Variants in ASCC2 observed in about 807,000 individuals in gnomAD.
The protein encoded by ASCC2 is activating signal cointegrator 1 complex subunit 2.
In ASCC2, 42 loss-of-function variants were observed where a neutral mutation model predicts 93.5. The ratio of observed to expected loss-of-function variants is 0.45; its 90% confidence interval spans 0.35 to 0.58. The LOEUF (loss-of-function observed/expected upper bound fraction) is 0.58. Among genes scored for constraint, ASCC2 ranks in the 20% least tolerant of loss-of-function variants. The probability of loss-of-function intolerance (pLI) is 0.00; values close to 1 mark genes in which losing one functional copy is unlikely to be tolerated. For missense variants in ASCC2, 859 were observed against 977.6 expected (o/e 0.88, Z 1.62); for synonymous variants, 364 against 384.2 (o/e 0.95, Z 0.62).
intron 18 of ASCC2, 61 bp downstream of exon 18, chr22:29,792,372 C>T (rs1009884033): frequency 3.7e-6 from 6 of 1,600,598 alleles, no homozygotes; most frequent in Admixed American, 1.7e-5. Flanking sequence ...GTGAGGGGCC[C>T]TTCTGATTCA....
rs765787666 is a variant in ASCC2, at chr22:29,806,276, T to C, written c.1100A>G (p.Tyr367Cys). Residue 367 changes from tyrosine (Y) to cysteine (C), a missense_variant, in exon 12 of 20, where the codon TAT becomes TGT. Coordinates refer to ENST00000307790, the MANE Select transcript of ASCC2 (RefSeq NM_032204.5). ...TTCGGCCACGGGGAAGAGTGCATCA[T>C]AGTCCCGGAGGAACCTGCAGGCAGA... Reference protein sequence around the residue: ...LLQEKRFLRDYDALFPVAEDI... With the variant: ...LLQEKRFLRDCDALFPVAEDI... 4 of 1,614,090 alleles carry C rather than the reference T, an allele frequency of 2.5e-6. No individual in the cohort carries two copies. The highest frequency in any genetic ancestry group is 3.4e-6 in the Non-Finnish European group (4 of 1,180,008).
At chr22:29,794,792 G>A (rs1601815828) in intron 15 of ASCC2, among the ~76,000 whole-genome samples, 1 of 152,212 alleles carries the variant, frequency 6.6e-6, no homozygotes, top group East Asian at 1.9e-4. Flanking sequence ...AGGAAAACAA[G>A]CAAGCTACAG....
intron 7 of ASCC2, 150 bp from the exon 8 acceptor site, chr22:29,813,692 T>C: frequency 1.6e-6 from 1 of 625,030 alleles, no homozygotes; most frequent in Non-Finnish European, 2.9e-6. Context: ...AGGCAAAGTC[T>C]GGCTAGTCCA....
chr22:29,808,324 C>T (rs889985788), intron 8 of ASCC2, 139 bp from the exon 9 acceptor site: 2 of 849,582 alleles, frequency 2.4e-6, no homozygotes, highest in Non-Finnish European at 3.7e-6. Context: ...CTTGGTTCTT[C>T]CCTGAGCTCA....
intron 12 of ASCC2, among the ~76,000 whole-genome samples, chr22:29,805,408 CCAGCAA>C (rs1306371618): frequency 6.6e-6 from 1 of 152,176 alleles, no homozygotes; most frequent in East Asian, 1.9e-4. Flanking sequence ...TGCTTGGATG[CCAGCAA>C]CAGCCTCCTC....
intron 19 of ASCC2, among the ~76,000 whole-genome samples, chr22:29,789,776 C>T (rs970521569): frequency 6.6e-5 from 10 of 152,226 alleles, no homozygotes; most frequent in African/African-American, 2.4e-4. Flanking sequence ...GCCAGGCCTC[C>T]TGAACCCAGC....
chr22:29,789,334 A>C, intron 19 of ASCC2, 150 bp from the exon 20 acceptor site: 1 of 988,064 alleles, frequency 1.0e-6, no homozygotes, highest in Admixed American at 2.1e-5. Flanking sequence ...GGAGAGATGG[A>C]GCCCAGCAGG....
chr22:29,834,886 G>C (rs1327975326), intron 1 of ASCC2, among the ~76,000 whole-genome samples: 1 of 152,092 alleles, frequency 6.6e-6, no homozygotes, highest in Non-Finnish European at 1.5e-5. Context: ...ATGCTGGAAA[G>C]TGAGCTGGAA....
intron 17 of ASCC2, 105 bp from the exon 18 acceptor site, chr22:29,792,640 T>A: frequency 6.7e-7 from 1 of 1,481,690 alleles, no homozygotes; most frequent in South Asian, 1.2e-5. Context: ...CCAGGAGGGC[T>A]CAGGAGGTTG....
At chr22:29,828,171 A>G (rs560151743) in intron 2 of ASCC2, among the ~76,000 whole-genome samples, 1 of 152,340 alleles carries the variant, frequency 6.6e-6, no homozygotes, top group South Asian at 2.1e-4. Context: ...CAAGGCTCCA[A>G]GCATTCGAGG....
At chr22:29,832,973 G>A (rs1361023122) in intron 1 of ASCC2, among the ~76,000 whole-genome samples, 4 of 152,090 alleles carry the variant, frequency 2.6e-5, no homozygotes, top group Non-Finnish European at 5.9e-5. Context: ...CATCACTCGG[G>A]CTGGTCTCAA....
chr22:29,802,501 A>T (rs9608815), intron 13 of ASCC2, among the ~76,000 whole-genome samples: 44,772 of 151,960 alleles, frequency 0.29, 7,716 homozygotes, highest in East Asian at 0.47. Context: ...ACAAAAAAAA[A>T]AAATAAAAAA....
chr22:29,830,759 C>T (rs1008448002), intron 2 of ASCC2, among the ~76,000 whole-genome samples: 1 of 152,230 alleles, frequency 6.6e-6, no homozygotes, highest in African/African-American at 2.4e-5. Context: ...TTTATAGCTC[C>T]AGCACCTGGC....
intron 17 of ASCC2, among the ~76,000 whole-genome samples, chr22:29,792,781 G>A (rs995378805): frequency 6.6e-6 from 1 of 152,116 alleles, no homozygotes; most frequent in Admixed American, 6.5e-5. Flanking sequence ...CTCTTCAGTC[G>A]GGACAGCTCT....
chr22:29,823,201 G>A (rs1285771726), intron 4 of ASCC2, among the ~76,000 whole-genome samples: 2 of 151,722 alleles, frequency 1.3e-5, no homozygotes, highest in African/African-American at 2.4e-5. Context: ...ACCACACCCA[G>A]CTAATTTTTG....
chr22:29,822,616 C>T lies in ASCC2; in HGVS notation c.412-152G>A, dbSNP rs2061697900. The T allele has an allele frequency of 8.8e-6, 7 of 794,252 alleles. No homozygotes were observed. In the Admixed American group the frequency reaches 1.8e-4, roughly 21 times the overall value. The allele number at this position is 794,252 out of a possible 1,614,324, so 49.2% of individuals were successfully genotyped here. On this transcript the variant is annotated intron_variant, in intron 4 of 19. Transcript: ENST00000307790. ...GACCTGGAGCAATGGCCATTCTCCC[C>T]CCGCCCTTTTTTTTTTTTTTTAAAT...
Position 29,804,765 on chromosome 22 carries a change from C to T in ASCC2, c.1226G>A (p.Arg409Gln), listed in dbSNP as rs745842703. 54 of 1,613,954 alleles carry T rather than the reference C, an allele frequency of 3.3e-5. No homozygotes were observed. The highest frequency in any genetic ancestry group is 4.0e-5 in the Non-Finnish European group (47 of 1,180,006). Residue 409 changes from arginine (R) to glutamine (Q), a missense_variant, in exon 13 of 20, where the codon CGG becomes CAG. Coordinates refer to ENST00000307790, the MANE Select transcript of ASCC2 (RefSeq NM_032204.5). ...VESAWEGVDRRKATDAKDPSV... is the reference protein window; with the variant it reads ...VESAWEGVDRQKATDAKDPSV... ...TGGGTCTTTAGCATCTGTGGCTTTC[C>T]GTCTGTCCACCCCTTCCCATGCACT...
In ASCC2 at chr22:29,801,042, T is replaced by A. The variant is rs34833047; in HGVS notation, c.1637A>T (p.Asp546Val). The change falls in exon 15 of 20, where the codon GAT (aspartate) becomes GTT (valine). Residue 546 changes from aspartate (D) to valine (V), a missense_variant. Asp to Val is a radical substitution (Grantham distance 152). Transcript: ENST00000307790. ...RHNVFQNDEF[D>V]VFSRDSVDLS... ...GTCTACTGAGTCCCTGCTGAACACATCAAACTCGTCATTCTGGAAGACGTT... is the reference window on the plus strand; with the variant it reads ...GTCTACTGAGTCCCTGCTGAACACAACAAACTCGTCATTCTGGAAGACGTT... 57 of 1,609,492 alleles carry A rather than the reference T, an allele frequency of 3.5e-5. No individual in the cohort carries two copies. Among genetic ancestry groups the A allele is most frequent in the Non-Finnish European group, 4.2e-5 (49 of 1,176,408 alleles).
chr22:29,832,308 C>T lies in ASCC2; in HGVS notation c.18G>A (p.Leu6=). 1 of 1,613,938 alleles carries T rather than the reference C, an allele frequency of 6.2e-7. No individual in the cohort carries two copies. The highest frequency in any genetic ancestry group is 1.1e-5 in the South Asian group (1 of 91,074). ...CCTTGTGGGTGATCTGGAGTTGGTC[C>T]AGGGGCAGAGCTGGCATTGTGCTGC... The part of the protein sequence containing the change: MPALP[L]DQLQITHKDP... Residue 6 remains leucine (L), a synonymous_variant, in exon 2 of 20, where the codon CTG becomes CTA. Coordinates refer to ENST00000307790, the MANE Select transcript of ASCC2 (RefSeq NM_032204.5).
Sources: gnomAD v4.1 joint callset for allele counts (sites outside exome capture counted in the v4.1 genomes callset) on GRCh38, gnomAD v4.1.1 for gene constraint, MANE v1.5 for transcripts, NCBI Gene and HGNC (gene_info 2026-07-23, HGNC 2026-07-21) for gene names.